The following BRINP3 variants were observed in gnomAD, a reference collection of about 807,000 sequenced individuals.
The protein encoded by BRINP3 is BMP/retinoic acid inducible neural specific 3.
Under a neutral mutation model 71.0 loss-of-function variants are expected in BRINP3, and 19 were observed. The ratio of observed to expected loss-of-function variants is 0.27; its 90% CI spans 0.19 to 0.39. The LOEUF (loss-of-function observed/expected upper bound fraction) is 0.39. Ranked by LOEUF, BRINP3 falls within the 10% of genes least tolerant of loss-of-function variation. BRINP3 has a pLI of 1.00. For missense variants in BRINP3, 959 were observed against 940.8 expected (o/e 1.02, Z -0.25); for synonymous variants, 380 against 337.7 (o/e 1.13, Z -1.37).
At chr1:190,429,050 C>T (rs928433915) in intron 2 of BRINP3, among the ~76,000 whole-genome samples, 2 of 152,018 alleles carry the variant, frequency 1.3e-5, no homozygotes, top group Non-Finnish European at 2.9e-5. Context: ...GCTTTAGCTA[C>T]TTTACATTTA....
chr1:190,123,000 A>T (rs1472449349), intron 7 of BRINP3, among the ~76,000 whole-genome samples: 3 of 152,146 alleles, frequency 2.0e-5, no homozygotes, highest in Non-Finnish European at 4.4e-5. Context: ...GACAGTTGCA[A>T]CCAGACTTGA....
At chr1:190,393,795 G>A (rs1239699548) in intron 2 of BRINP3, among the ~76,000 whole-genome samples, 1 of 151,516 alleles carries the variant, frequency 6.6e-6, no homozygotes, top group Non-Finnish European at 1.5e-5. Context: ...ATTTGCATTT[G>A]ATTATGCTAA....
intron 2 of BRINP3, among the ~76,000 whole-genome samples, chr1:190,356,502 T>C (rs1016868452): frequency 3.3e-5 from 5 of 151,880 alleles, no homozygotes; most frequent in African/African-American, 7.2e-5. Context: ...TACTAGAAAC[T>C]TGTGGCTTAA....
chr1:190,337,807 A>G (rs1274794699), intron 2 of BRINP3, among the ~76,000 whole-genome samples: 1 of 152,060 alleles, frequency 6.6e-6, no homozygotes, highest in Non-Finnish European at 1.5e-5. Flanking sequence ...CTGTTCTTCT[A>G]GAGAACCCTG....
At chr1:190,206,129 G>A (rs1571359058) in intron 6 of BRINP3, among the ~76,000 whole-genome samples, 1 of 152,004 alleles carries the variant, frequency 6.6e-6, no homozygotes, top group Non-Finnish European at 1.5e-5. Context: ...CCAAATTAAG[G>A]TTAACTTGGG....
At position 190,276,049 on chromosome 1, in the gene BRINP3, A is replaced by G. The variant is rs958358141; in HGVS notation, c.427+5511T>C. 1.8e-4 allele frequency among the ~76,000 whole-genome samples: 28 copies of G among 151,660 alleles called. No individual in the cohort carries two copies. In the Admixed American group the frequency reaches 1.8e-3, roughly 10 times the overall value. ...GTGATCTTAAGATTAATTTTAATAA[A>G]TATCAGTACAGCAGTCCTTTTCTCC... On this transcript the variant is annotated intron_variant, in intron 3 of 7. Transcript: ENST00000367462.
At chr1:190,450,517 A>T (rs577652653) in intron 2 of BRINP3, among the ~76,000 whole-genome samples, 2 of 152,252 alleles carry the variant, frequency 1.3e-5, no homozygotes, top group African/African-American at 4.8e-5. Context: ...AAGACATTTT[A>T]AACCAGAATC....
intron 6 of BRINP3, among the ~76,000 whole-genome samples, chr1:190,218,325 A>G (rs563175943): frequency 1.3e-5 from 2 of 152,154 alleles, no homozygotes; most frequent in South Asian, 4.1e-4. Flanking sequence ...TCTTTTGTTC[A>G]ATGTGATATT....
intron 4 of BRINP3, among the ~76,000 whole-genome samples, chr1:190,237,122 C>T (rs1658600631): frequency 6.6e-6 from 1 of 151,810 alleles, no homozygotes; most frequent in Non-Finnish European, 1.5e-5. Context: ...ATTTGAATAT[C>T]TCTGTCCTTA....
chr1:190,268,447 G>C (rs1661835242), intron 3 of BRINP3, among the ~76,000 whole-genome samples: 1 of 151,974 alleles, frequency 6.6e-6, no homozygotes, highest in African/African-American at 2.4e-5. Flanking sequence ...ATAAAAGCCA[G>C]CAACTTTCTT....
At chr1:190,352,604 A>G (rs1668461644) in intron 2 of BRINP3, among the ~76,000 whole-genome samples, 1 of 152,028 alleles carries the variant, frequency 6.6e-6, no homozygotes, top group African/African-American at 2.4e-5. Flanking sequence ...AAGAATTAAA[A>G]GGATGCAGAA....
intron 7 of BRINP3, among the ~76,000 whole-genome samples, chr1:190,141,553 TC>T (rs1475778188): frequency 1.0e-4 from 14 of 139,296 alleles, no homozygotes; most frequent in Admixed American, 2.3e-4. Flanking sequence ...TTTCTTTCTT[TC>T]CTTTTTTTTT....
chr1:190,099,173 A>G (rs779404004), intron 7 of BRINP3, 39 bp from the exon 8 acceptor site: 3 of 1,581,896 alleles, frequency 1.9e-6, no homozygotes, highest in Non-Finnish European at 2.6e-6. Context: ...ATAAATACAA[A>G]GATATTCTGT....
chr1:190,425,345 A>C (rs1196966394), intron 2 of BRINP3, among the ~76,000 whole-genome samples: 2 of 151,836 alleles, frequency 1.3e-5, no homozygotes. Flanking sequence ...AATTACTTAA[A>C]AACTCAGTAG....
At chr1:190,308,308 C>A (rs558634522) in intron 2 of BRINP3, among the ~76,000 whole-genome samples, 3 of 151,948 alleles carry the variant, frequency 2.0e-5, no homozygotes, top group Admixed American at 6.6e-5. Flanking sequence ...AAAAGAAAAT[C>A]TCTCATGAAT....
At chr1:190,342,251 G>A (rs1033753561) in intron 2 of BRINP3, among the ~76,000 whole-genome samples, 4 of 150,918 alleles carry the variant, frequency 2.7e-5, no homozygotes, top group Admixed American at 6.7e-5. Flanking sequence ...TTTTTAATTA[G>A]CAACCTTAAT....
intron 2 of BRINP3, among the ~76,000 whole-genome samples, chr1:190,350,177 G>A (rs570599726): frequency 1.9e-4 from 29 of 152,048 alleles, no homozygotes; most frequent in Non-Finnish European, 3.8e-4. Context: ...TGAAACACAA[G>A]GCTAAAGCAG....
At chr1:190,152,173 T>G (rs1656451150) in intron 7 of BRINP3, among the ~76,000 whole-genome samples, 1 of 152,066 alleles carries the variant, frequency 6.6e-6, no homozygotes, top group Non-Finnish European at 1.5e-5. Flanking sequence ...AATTTATTAT[T>G]TTAGATTGTT....
intron 2 of BRINP3, among the ~76,000 whole-genome samples, chr1:190,411,229 G>C (rs190806606): frequency 2.6e-5 from 4 of 152,040 alleles, no homozygotes; most frequent in African/African-American, 9.7e-5. Context: ...ATTGATAGAG[G>C]ACAACGGGAT....
Sources: gnomAD v4.1 joint callset for allele counts (sites outside exome capture counted in the v4.1 genomes callset) on GRCh38, gnomAD v4.1.1 for gene constraint, MANE v1.5 for transcripts, NCBI Gene and HGNC (gene_info 2026-07-23, HGNC 2026-07-21) for gene names.